Variants in TSHZ2 observed in about 807,000 individuals in gnomAD.
TSHZ2 encodes the protein teashirt homolog 2.
In TSHZ2, 21 loss-of-function variants were observed where a neutral mutation model predicts 74.4. The observed-to-expected ratio is 0.28, with a 90% CI of 0.20 to 0.41. The LOEUF is 0.41. Ranked by LOEUF, TSHZ2 falls within the 10% of genes least tolerant of loss-of-function variation. The pLI, the probability that TSHZ2 is intolerant of heterozygous loss-of-function variation, is 1.00. For synonymous variants in TSHZ2, 540 were observed against 515.3 expected (o/e 1.05, Z -0.65); for missense variants, 1,244 against 1,293.5 (o/e 0.96, Z 0.59).
chr20:53,254,532 C>A lies in TSHZ2; in HGVS notation c.1074C>A (p.Asn358Lys). The A allele has an allele frequency of 6.2e-7, 1 of 1,613,950 alleles. No individual in the cohort carries two copies. Among genetic ancestry groups the A allele is most frequent in the Non-Finnish European group, 8.5e-7 (1 of 1,179,858 alleles). Residue 358 changes from asparagine to lysine, a missense_variant, in exon 2 of 3, where the codon AAC becomes AAA. Asn to Lys is a moderately conservative substitution (Grantham distance 94). This residue lies in a region of TSHZ2 where 470 missense variants were observed against 456.5 expected (regional missense o/e 1.03). Coordinates refer to ENST00000371497, the MANE Select transcript of TSHZ2 (RefSeq NM_173485.6). The part of the protein sequence containing the change: ...KNANLQLSSN[N>K]RYGYQNGASY... ...CCAACTTGCAGTTGTCCTCCAACAA[C>A]CGCTATGGCTACCAAAATGGAGCCA...
chr20:53,145,643 T>A (rs1003572283), intron 1 of TSHZ2, among the ~76,000 whole-genome samples: 4 of 152,112 alleles, frequency 2.6e-5, no homozygotes, highest in African/African-American at 9.7e-5. Flanking sequence ...GGGCTAAGGA[T>A]GCTGGGGTAG....
intron 1 of TSHZ2, among the ~76,000 whole-genome samples, chr20:53,035,810 G>C (rs1305907493): frequency 6.6e-6 from 1 of 152,128 alleles, no homozygotes; most frequent in Non-Finnish European, 1.5e-5. Context: ...CGGAGTGTAG[G>C]TGACAGACAC....
chr20:53,116,782 C>T (rs1280948182), intron 1 of TSHZ2, among the ~76,000 whole-genome samples: 2 of 152,122 alleles, frequency 1.3e-5, no homozygotes, highest in African/African-American at 4.8e-5. Context: ...TTTTTTAATT[C>T]TGCCAACGAG....
chr20:52,978,062 G>C (rs1463075009), intron 1 of TSHZ2, among the ~76,000 whole-genome samples: 1 of 152,158 alleles, frequency 6.6e-6, no homozygotes, highest in Non-Finnish European at 1.5e-5. Flanking sequence ...CCCTGAAGCA[G>C]CTTGACTTTT....
chr20:53,024,687 C>T (rs1983372940), intron 1 of TSHZ2, among the ~76,000 whole-genome samples: 1 of 152,094 alleles, frequency 6.6e-6, no homozygotes, highest in African/African-American at 2.4e-5. Context: ...TGATGTTCCC[C>T]CCACTGTGTC....
In TSHZ2 at chr20:53,474,962, C is replaced by A. The variant is rs1456768518; in HGVS notation, c.*9-12182C>A. 1.4e-5 allele frequency among the ~76,000 whole-genome samples: 2 copies of A among 139,460 alleles called. 1 individual carries two copies. Among genetic ancestry groups the A allele is most frequent in the Non-Finnish European group, 3.1e-5 (2 of 64,942 alleles). The allele number at this position is 139,460 out of a possible 152,430, so 91.5% of individuals were successfully genotyped here. On this transcript the variant is annotated intron_variant, in intron 2 of 2. Coordinates refer to ENST00000371497, the MANE Select transcript of TSHZ2 (RefSeq NM_173485.6). ...CAATTGAACAAGAAGAGCTAACTAT[C>A]CTAAATATATATGCACCCAATACAG...
rs773611865 is a variant in TSHZ2 at position 53,254,192 on chromosome 20, G to A, written c.734G>A (p.Arg245His). ...ACGGGCCACTATCAAGATGACAACC[G>A]CAAAAAGGACAAGCTCAGACCCACG... ...NETGHYQDDN[R>H]KKDKLRPTSY... Residue 245 changes from arginine to histidine, a missense_variant, in exon 2 of 3, where the codon CGC (arginine) becomes CAC (histidine). This residue lies in a region of TSHZ2 where 470 missense variants were observed against 456.5 expected (regional missense o/e 1.03). Transcript: ENST00000371497. The A allele has an allele frequency of 2.1e-5, 34 of 1,613,944 alleles. No homozygotes were observed. Among genetic ancestry groups the A allele is most frequent in the Admixed American group, 1.2e-4 (7 of 59,978 alleles).
At chr20:53,358,787 C>A (rs1011910009) in intron 2 of TSHZ2, among the ~76,000 whole-genome samples, 1 of 152,126 alleles carries the variant, frequency 6.6e-6, no homozygotes, top group African/African-American at 2.4e-5. Flanking sequence ...GTTTTTTAAA[C>A]GGTCTTGTGC....
chr20:53,261,892 G>A (rs1418217026), intron 2 of TSHZ2, among the ~76,000 whole-genome samples: 2 of 152,122 alleles, frequency 1.3e-5, no homozygotes, highest in Admixed American at 6.6e-5. Context: ...AATTAAAAAC[G>A]TCTTTGCGAA....
At chr20:53,423,633 G>A (rs1397662844) in intron 2 of TSHZ2, among the ~76,000 whole-genome samples, 2 of 152,156 alleles carry the variant, frequency 1.3e-5, no homozygotes, top group African/African-American at 2.4e-5. Context: ...CTTTGTTTAA[G>A]ACAATCTCCC....
intron 1 of TSHZ2, among the ~76,000 whole-genome samples, chr20:53,229,395 C>G (rs545127949): frequency 6.6e-6 from 1 of 152,104 alleles, no homozygotes; most frequent in South Asian, 2.1e-4. Context: ...GCAAAAGCAG[C>G]CATGTTTTAT....
intron 1 of TSHZ2, among the ~76,000 whole-genome samples, chr20:53,118,959 G>GGA (rs1222867965): frequency 3.3e-5 from 5 of 151,750 alleles, no homozygotes; most frequent in African/African-American, 4.8e-5. Flanking sequence ...GGAGCGAGAG[G>GGA]GAGAGAGAGA....
intron 1 of TSHZ2, among the ~76,000 whole-genome samples, chr20:53,151,001 A>G (rs148124869): frequency 1.6e-4 from 25 of 152,342 alleles, no homozygotes; most frequent in African/African-American, 5.8e-4. Flanking sequence ...GACTTAACTA[A>G]TTACCCTAAC....
At chr20:53,154,106 G>A (rs1010167093) in intron 1 of TSHZ2, among the ~76,000 whole-genome samples, 2 of 152,172 alleles carry the variant, frequency 1.3e-5, no homozygotes, top group South Asian at 2.1e-4. Flanking sequence ...ACAGAGCTTC[G>A]CAGTCACATG....
intron 2 of TSHZ2, among the ~76,000 whole-genome samples, chr20:53,261,690 A>C (rs893126733): frequency 3.9e-5 from 6 of 152,218 alleles, no homozygotes; most frequent in African/African-American, 1.4e-4. Flanking sequence ...TGGTGCTTTA[A>C]TATAGAGTAA....
chr20:53,361,632 TAGTC>T (rs1419998977), intron 2 of TSHZ2, among the ~76,000 whole-genome samples: 1 of 152,216 alleles, frequency 6.6e-6, no homozygotes, highest in African/African-American at 2.4e-5. Flanking sequence ...ATATCGCCCT[TAGTC>T]AGCTTTCCAG....
At chr20:53,124,088 A>G (rs1427768147) in intron 1 of TSHZ2, among the ~76,000 whole-genome samples, 1 of 152,174 alleles carries the variant, frequency 6.6e-6, no homozygotes, top group Non-Finnish European at 1.5e-5. Flanking sequence ...TAGGGAAGAC[A>G]ACTCCCTTTT....
intron 1 of TSHZ2, among the ~76,000 whole-genome samples, chr20:52,979,368 A>G (rs1414574060): frequency 6.6e-6 from 1 of 152,194 alleles, no homozygotes; most frequent in Non-Finnish European, 1.5e-5. Context: ...ACTAATGAGA[A>G]AGCACCTCTG....
At chr20:53,305,388 C>T (rs541111137) in intron 2 of TSHZ2, among the ~76,000 whole-genome samples, 67 of 152,288 alleles carry the variant, frequency 4.4e-4, no homozygotes, top group African/African-American at 1.6e-3. Flanking sequence ...TTTTGGATAG[C>T]CAAGTTTTTT....
Sources: allele counts gnomAD v4.1 joint callset (sites outside exome capture counted in the v4.1 genomes callset), GRCh38; gene constraint gnomAD v4.1.1; regional missense constraint gnomAD v4.1.1; transcripts MANE v1.5; gene names NCBI Gene and HGNC (gene_info 2026-07-23, HGNC 2026-07-21).